Variants in KANSL1 observed in about 807,000 individuals in gnomAD.
KANSL1 encodes MLL1/MLL complex subunit KANSL1.
In KANSL1, 22 loss-of-function variants were observed where a neutral mutation model predicts 103.6. The ratio of observed to expected loss-of-function variants is 0.21; its 90% CI spans 0.15 to 0.30. KANSL1 has a LOEUF of 0.30. Ranked by LOEUF, KANSL1 falls within the 10% of genes least tolerant of loss-of-function variation. The pLI is 1.00. For missense variants in KANSL1, 1,337 were observed against 1,399.8 expected, an observed-to-expected ratio of 0.96 and a Z score of 0.72; for synonymous variants, 600 against 527.6, an observed-to-expected ratio of 1.14 and a Z score of -1.88.
intron 1 of KANSL1, among the ~76,000 whole-genome samples, chr17:46,190,599 T>C (rs1251296516): frequency 9.2e-5 from 14 of 152,258 alleles, no homozygotes; most frequent in Admixed American, 9.2e-4. Flanking sequence ...CAGACACTGG[T>C]ATATACTCAA....
intron 14 of KANSL1, 92 bp from the exon 15 acceptor site, chr17:46,031,795 CT>C: frequency 1.6e-6 from 2 of 1,250,756 alleles, no homozygotes; most frequent in Non-Finnish European, 2.2e-6. Flanking sequence ...GGCCTGGAGC[CT>C]AGGACCAGTC....
At chr17:46,052,132 TCA>T (rs1464104704) in intron 6 of KANSL1, among the ~76,000 whole-genome samples, 4 of 152,082 alleles carry the variant, frequency 2.6e-5, no homozygotes, top group African/African-American at 9.7e-5. Flanking sequence ...GAAAATGAGA[TCA>T]CACAGTGGGT....
intron 1 of KANSL1, among the ~76,000 whole-genome samples, chr17:46,203,734 G>A (rs115613800): frequency 0.011 from 1,692 of 152,328 alleles, 29 homozygotes; most frequent in African/African-American, 0.039. Context: ...AAAATTGGGT[G>A]TTATTTATGG....
intron 2 of KANSL1, among the ~76,000 whole-genome samples, chr17:46,118,054 C>G (rs1304357244): frequency 6.6e-6 from 1 of 152,172 alleles, no homozygotes; most frequent in Non-Finnish European, 1.5e-5. Context: ...CATGACCACT[C>G]CCCACTACCC....
chr17:46,133,539 G>A (rs1385124280), intron 2 of KANSL1, among the ~76,000 whole-genome samples: 2 of 152,192 alleles, frequency 1.3e-5, no homozygotes, highest in African/African-American at 4.8e-5. Flanking sequence ...CCACATAAGT[G>A]AAAGAAAATT....
chr17:46,169,285 G>C (rs2046162748), intron 2 of KANSL1, among the ~76,000 whole-genome samples: 1 of 152,198 alleles, frequency 6.6e-6, no homozygotes, highest in African/African-American at 2.4e-5. Context: ...TGAAGCATTT[G>C]CTTTAAATCT....
intron 2 of KANSL1, among the ~76,000 whole-genome samples, chr17:46,102,139 G>C (rs2042348599): frequency 6.6e-6 from 1 of 152,186 alleles, no homozygotes; most frequent in Non-Finnish European, 1.5e-5. Context: ...GTAAAACCCA[G>C]GAAAAAACTC....
chr17:46,040,063 C>A, intron 7 of KANSL1, 179 bp from the exon 8 acceptor site: 1 of 519,460 alleles, frequency 1.9e-6, no homozygotes, highest in South Asian at 3.4e-5. Flanking sequence ...TATTTGCAAG[C>A]AGGTCACTTT....
intron 2 of KANSL1, among the ~76,000 whole-genome samples, chr17:46,114,737 A>G (rs749096905): frequency 6.6e-6 from 1 of 152,164 alleles, no homozygotes; most frequent in East Asian, 1.9e-4. Context: ...TATCTTGTTT[A>G]AAGTTATTAG....
At chr17:46,121,612 T>G (rs2043284016) in intron 2 of KANSL1, among the ~76,000 whole-genome samples, 1 of 152,248 alleles carries the variant, frequency 6.6e-6, no homozygotes, top group African/African-American at 2.4e-5. Context: ...CTTTATTTTT[T>G]TCTGCATAGC....
chr17:46,102,461 G>T (rs947000172), intron 2 of KANSL1, among the ~76,000 whole-genome samples: 2 of 152,092 alleles, frequency 1.3e-5, no homozygotes, highest in Non-Finnish European at 2.9e-5. Context: ...TGTTGGCCAG[G>T]CTGGTCTCGA....
intron 6 of KANSL1, among the ~76,000 whole-genome samples, chr17:46,060,536 A>C (rs1396577528): frequency 6.6e-6 from 1 of 152,210 alleles, no homozygotes; most frequent in African/African-American, 2.4e-5. Flanking sequence ...TTTATGTCCT[A>C]AGGTACAATT....
At chr17:46,143,088 T>G (rs1528075) in intron 2 of KANSL1, among the ~76,000 whole-genome samples, 21,953 of 152,230 alleles carry the variant, frequency 0.14, 2,136 homozygotes, top group Non-Finnish European at 0.22. Context: ...AAGACATTTA[T>G]GCACACAGCT....
chr17:46,047,620 T>C (rs557856697), intron 7 of KANSL1, among the ~76,000 whole-genome samples: 2 of 151,836 alleles, frequency 1.3e-5, no homozygotes, highest in African/African-American at 4.8e-5. Flanking sequence ...CCCATCTTTG[T>C]AGGGGGCGGG....
At chr17:46,103,491 T>C (rs1438758478) in intron 2 of KANSL1, among the ~76,000 whole-genome samples, 1 of 152,226 alleles carries the variant, frequency 6.6e-6, no homozygotes, top group African/African-American at 2.4e-5. Context: ...TTCCTTAATG[T>C]TAAATATCCA....
chr17:46,064,108 C>A (rs558558347), intron 6 of KANSL1, among the ~76,000 whole-genome samples: 1 of 141,712 alleles, frequency 7.1e-6, no homozygotes, highest in South Asian at 2.3e-4. Flanking sequence ...AATATGAAAA[C>A]CCTGCCAAAT....
At chr17:46,134,577 TGCCTGTAATCCCA>T (rs1407795273) in intron 2 of KANSL1, among the ~76,000 whole-genome samples, 1 of 151,206 alleles carries the variant, frequency 6.6e-6, no homozygotes, top group African/African-American at 2.4e-5. Flanking sequence ...TGGTGGCTCA[TGCCTGTAATCCCA>T]GCACTTTGGG....
chr17:46,095,861 G>C (rs2042039678), intron 2 of KANSL1, among the ~76,000 whole-genome samples: 1 of 152,074 alleles, frequency 6.6e-6, no homozygotes, highest in South Asian at 2.1e-4. Flanking sequence ...ACAGAAATAG[G>C]AAATTCACAT....
intron 2 of KANSL1, among the ~76,000 whole-genome samples, chr17:46,110,847 A>T (rs1414250961): frequency 6.6e-6 from 1 of 152,236 alleles, no homozygotes; most frequent in Non-Finnish European, 1.5e-5. Flanking sequence ...AGCATGAATA[A>T]AAATGCACAG....
Sources: gnomAD v4.1 joint callset for allele counts (sites outside exome capture counted in the v4.1 genomes callset) on GRCh38, gnomAD v4.1.1 for gene constraint, MANE v1.5 for transcripts, NCBI Gene and HGNC (gene_info 2026-07-23, HGNC 2026-07-21) for gene names.